Variants in PCDHGB4 observed in about 807,000 individuals in gnomAD.
The protein encoded by PCDHGB4 is protocadherin gamma-B4.
A neutral mutation model predicts 60.5 loss-of-function variants in PCDHGB4; 38 were observed. The observed-to-expected ratio is 0.63, with a 90% confidence interval of 0.48 to 0.82. The LOEUF (loss-of-function observed/expected upper bound fraction) is 0.82. PCDHGB4 is among the 40% of genes least tolerant of loss of function. PCDHGB4 has a pLI of 0.00. For missense variants in PCDHGB4, 1,109 were observed against 1,209.6 expected (o/e 0.92, Z 1.23); for synonymous variants, 456 against 509.7 (o/e 0.89, Z 1.42).
Position 141,393,813 on chromosome 5 carries a change from C to T in PCDHGB4, c.2397+3532C>T, listed in dbSNP as rs376904307. On this transcript the variant is annotated intron_variant, in intron 1 of 3. Coordinates refer to ENST00000519479, the MANE Select transcript of PCDHGB4 (RefSeq NM_003736.4). ...GGCACTTCTGGGGAGGACCAAATTGCTCATTTCGGTGGAAGATGTAAATGA... is the reference window on the plus strand; with the variant it reads ...GGCACTTCTGGGGAGGACCAAATTGTTCATTTCGGTGGAAGATGTAAATGA... 4.3e-6 allele frequency: 7 copies of T among 1,613,812 alleles called. 1 individual carries two copies. The East Asian group carries it at 8.9e-5, about 21-fold the overall frequency.
chr5:141,388,712 G>A lies in PCDHGB4; in HGVS notation c.828G>A (p.Glu276=). ...ATDQDEGVNA[E]ITFSFSEASQ... Reference sequence around the variant, plus strand: ...ACCAGGATGAGGGTGTCAATGCCGAGATTACTTTCTCTTTCAGTGAAGCTA... The same window carrying A: ...ACCAGGATGAGGGTGTCAATGCCGAAATTACTTTCTCTTTCAGTGAAGCTA... Residue 276 remains glutamate, a synonymous_variant, in exon 1 of 4, where the codon GAG becomes GAA. Coordinates refer to ENST00000519479, the MANE Select transcript of PCDHGB4 (RefSeq NM_003736.4). The A allele has an allele frequency of 6.2e-7, 1 of 1,613,986 alleles. No homozygotes were observed.
At chr5:141,428,313 C>T in intron 1 of PCDHGB4, 1 of 671,482 alleles carries the variant, frequency 1.5e-6, no homozygotes, top group Non-Finnish European at 2.6e-6. Context: ...TGGTCGTGGC[C>T]TTGGCCTTGA....
chr5:141,421,611 T>C lies in PCDHGB4; in HGVS notation c.2397+31330T>C, dbSNP rs747573417. 6.8e-6 allele frequency: 11 copies of C among 1,613,694 alleles called. No homozygotes were observed. The African/African-American group carries it at 1.3e-4, about 20-fold the overall frequency. On this transcript the variant is annotated intron_variant, in intron 1 of 3. Transcript: ENST00000519479. ...TGGAGGTGGAAATAATAGATATTAA[T>C]GATAACGCCCCCAGCTTCCAGGAGG...
At chr5:141,427,838 C>T (rs978867590) in intron 1 of PCDHGB4, 4 of 1,546,186 alleles carry the variant, frequency 2.6e-6, no homozygotes, top group Non-Finnish European at 1.8e-6. Flanking sequence ...AGCGTGCCTT[C>T]GACCACGAGC....
rs764056952 is a variant in PCDHGB4 at position 141,405,326 on chromosome 5, T to G, written c.2397+15045T>G. On this transcript the variant is annotated intron_variant, in intron 1 of 3. Transcript: ENST00000519479. ...GAGCTGTGAGAAAAATGAGCCTTTG[T>G]GCGTCTCTGTTGATTCCAAGTTTCC... The G allele has an allele frequency of 2.5e-6, 4 of 1,614,220 alleles. No individual in the cohort carries two copies. Among genetic ancestry groups the G allele is most frequent in the Admixed American group, 3.3e-5 (2 of 60,026 alleles).
chr5:141,457,159 T>C (rs908257499), intron 1 of PCDHGB4, among the ~76,000 whole-genome samples: 5 of 152,212 alleles, frequency 3.3e-5, no homozygotes, highest in Non-Finnish European at 7.3e-5. Flanking sequence ...GGTGCTACCA[T>C]GGATAACCCT....
chr5:141,408,337 G>T (rs1191967573), intron 1 of PCDHGB4: 3 of 1,613,954 alleles, frequency 1.9e-6, no homozygotes, highest in Non-Finnish European at 2.5e-6. Context: ...CCAAGGGCTC[G>T]GTGGTGGGGA....
intron 1 of PCDHGB4, chr5:141,394,727 C>G (rs971156422): frequency 8.7e-6 from 14 of 1,613,436 alleles, no homozygotes; most frequent in Middle Eastern, 1.6e-4. Flanking sequence ...GAGATGCGCT[C>G]AAGCAGAGCC....
At chr5:141,394,256 C>G in intron 1 of PCDHGB4, 1 of 1,613,942 alleles carries the variant, frequency 6.2e-7, no homozygotes, top group Non-Finnish European at 8.5e-7. Flanking sequence ...ACCCCGACAG[C>G]CAGGAGAATG....
chr5:141,417,732 C>T (rs2096153715), intron 1 of PCDHGB4: 4 of 1,390,342 alleles, frequency 2.9e-6, no homozygotes, highest in Admixed American at 2.8e-5. Context: ...AGACCTTGCC[C>T]AGCACACCAG....
At position 141,433,052 on chromosome 5, in the gene PCDHGB4, A is replaced by G. The variant is rs757503771; in HGVS notation, c.2397+42771A>G. The G allele has an allele frequency of 3.1e-6, 5 of 1,614,178 alleles. No individual in the cohort carries two copies. In the Admixed American group the frequency reaches 8.3e-5, roughly 27 times the overall value. ...GGTTTCCCTCACCACGGACTCGCGG[A>G]AGAGTCACCTGATCTTCCCCCAGCC... On this transcript the variant is annotated intron_variant, in intron 1 of 3. Transcript: ENST00000519479.
chr5:141,400,267 T>C (rs749494967), intron 1 of PCDHGB4: 4 of 1,614,030 alleles, frequency 2.5e-6, no homozygotes, highest in Middle Eastern at 1.6e-4. Context: ...CCTGCGACGC[T>C]CCTCCAGCCC....
chr5:141,469,573 CTAAA>C (rs1209972534), intron 1 of PCDHGB4, among the ~76,000 whole-genome samples: 2 of 151,554 alleles, frequency 1.3e-5, no homozygotes, highest in Non-Finnish European at 2.9e-5. Flanking sequence ...GACTCTGTCT[CTAAA>C]TAAATAAATA....
In PCDHGB4 at chr5:141,409,864, C is replaced by A. The variant is rs772646188; in HGVS notation, c.2397+19583C>A. The A allele has an allele frequency of 1.9e-6, 3 of 1,612,574 alleles. No individual in the cohort carries two copies. The East Asian group carries it at 6.7e-5, about 36-fold the overall frequency. Reference sequence around the variant, plus strand: ...TGAGCCTGCGCGTGTTGGTGGGAGACCGCAATGACAACGCACCGCGGGTGC... The same window carrying A: ...TGAGCCTGCGCGTGTTGGTGGGAGAACGCAATGACAACGCACCGCGGGTGC... On this transcript the variant is annotated intron_variant, in intron 1 of 3. Transcript: ENST00000519479.
At chr5:141,390,565 G>A in intron 1 of PCDHGB4, 2 of 420,818 alleles carry the variant, frequency 4.8e-6, no homozygotes, top group Non-Finnish European at 8.5e-6. Context: ...ACAGTTGTTG[G>A]CTCTCTCCTA....
chr5:141,461,560 T>G (rs1355320881), intron 1 of PCDHGB4, among the ~76,000 whole-genome samples: 1 of 152,234 alleles, frequency 6.6e-6, no homozygotes, highest in African/African-American at 2.4e-5. Context: ...ATGTGTACTT[T>G]GCAAAGATAA....
Position 141,394,523 on chromosome 5 carries a change from C to A in PCDHGB4, c.2397+4242C>A, listed in dbSNP as rs373702756. ...TCCTGTACCCCGCCCTCCCCACAGACGGTTCCACTGGCGTGGAGCTGGCGC... is the reference window on the plus strand; with the variant it reads ...TCCTGTACCCCGCCCTCCCCACAGAAGGTTCCACTGGCGTGGAGCTGGCGC... On this transcript the variant is annotated intron_variant, in intron 1 of 3. Transcript: ENST00000519479. The A allele has an allele frequency of 1.1e-5, 17 of 1,614,116 alleles. No homozygotes were observed. The highest frequency in any genetic ancestry group is 5.3e-5 in the African/African-American group (4 of 74,950).
chr5:141,403,207 CACCGCGGGTAGGATAG>C, intron 1 of PCDHGB4: 1 of 1,613,966 alleles, frequency 6.2e-7, no homozygotes, highest in South Asian at 1.1e-5. Context: ...GCACCTTGGT[CACCGCGGGTAGGATAG>C]ACCGGGAGGA....
At chr5:141,501,869 C>G (rs1595765055) in intron 2 of PCDHGB4, among the ~76,000 whole-genome samples, 1 of 152,130 alleles carries the variant, frequency 6.6e-6, no homozygotes, top group Non-Finnish European at 1.5e-5. Context: ...CCCAGGACGC[C>G]TCCTTACACT....
Sources: gnomAD v4.1 joint callset for allele counts (sites outside exome capture counted in the v4.1 genomes callset) on GRCh38, gnomAD v4.1.1 for gene constraint, MANE v1.5 for transcripts, NCBI Gene and HGNC (gene_info 2026-07-23, HGNC 2026-07-21) for gene names.